ANO5: variants seen among roughly 807,000 people sequenced by gnomAD.
The protein encoded by ANO5 is anoctamin 5, also known as anoctamin-5.
In ANO5, 109 loss-of-function variants were observed where a neutral mutation model predicts 121.0. The ratio of observed to expected loss-of-function variants is 0.90; its 90% CI spans 0.77 to 1.06. The LOEUF (loss-of-function observed/expected upper bound fraction) is 1.06, where lower values mean the gene tolerates loss of function less well. Among genes scored for constraint, ANO5 ranks in the 50% least tolerant of loss-of-function variants. ANO5 has a pLI of 0.00. For missense variants in ANO5, 1,064 were observed against 1,078.5 expected (o/e 0.99, Z 0.19); for synonymous variants, 406 against 359.9 (o/e 1.13, Z -1.45).
chr11:22,272,686 G>C, intron 18 of ANO5, 98 bp from the exon 19 acceptor site: 2 of 1,114,694 alleles, frequency 1.8e-6, no homozygotes, highest in South Asian at 1.3e-5. Context: ...TATTCGTGTG[G>C]ATCACTCCAA....
Position 22,218,239 on chromosome 11 carries a change from T to C in ANO5, c.139-7T>C. 1 of 1,613,346 alleles carries C rather than the reference T, an allele frequency of 6.2e-7. No individual in the cohort carries two copies. Among genetic ancestry groups the C allele is most frequent in the Non-Finnish European group, 8.5e-7 (1 of 1,179,686 alleles). ...GAAGTGCTAATTCTTTATTGGTTGC[T>C]TCACAGCCTGCAAAGCGATTCAATT... On this transcript the variant is annotated splice_polypyrimidine_tract_variant and splice_region_variant and intron_variant, in intron 3 of 21. Coordinates refer to ENST00000324559, the MANE Select transcript of ANO5 (RefSeq NM_213599.3).
intron 1 of ANO5, among the ~76,000 whole-genome samples, chr11:22,198,645 G>T (rs1295344957): frequency 6.6e-6 from 1 of 152,096 alleles, no homozygotes; most frequent in Non-Finnish European, 1.5e-5. Context: ...AAATAGAATT[G>T]TAAAACTCTT....
At chr11:22,199,578 G>T (rs1252181241) in intron 1 of ANO5, among the ~76,000 whole-genome samples, 1 of 152,012 alleles carries the variant, frequency 6.6e-6, no homozygotes, top group Non-Finnish European at 1.5e-5. Flanking sequence ...ATGCTTAGGA[G>T]TCTTCTATTT....
At chr11:22,199,000 C>A (rs1225335360) in intron 1 of ANO5, among the ~76,000 whole-genome samples, 3 of 152,154 alleles carry the variant, frequency 2.0e-5, no homozygotes, top group Non-Finnish European at 4.4e-5. Context: ...TAATATTTTT[C>A]AAGCATTTCC....
intron 7 of ANO5, among the ~76,000 whole-genome samples, chr11:22,231,874 A>T (rs548832864): frequency 6.6e-6 from 1 of 152,030 alleles, no homozygotes. Context: ...AGAAATTATC[A>T]GTCTTTCGTG....
At chr11:22,262,831 C>T (rs1280079939) in intron 16 of ANO5, 115 bp from the exon 17 acceptor site, 3 of 827,698 alleles carry the variant, frequency 3.6e-6, no homozygotes, top group Non-Finnish European at 4.1e-6. Flanking sequence ...ATATCTTAAC[C>T]CTTCCAACCA....
intron 9 of ANO5, among the ~76,000 whole-genome samples, chr11:22,246,473 G>T (rs965297806): frequency 1.3e-5 from 2 of 152,012 alleles, no homozygotes; most frequent in African/African-American, 2.4e-5. Flanking sequence ...CCTGTATTGG[G>T]TTTGGGTGTT....
At chr11:22,234,900 T>C (rs566449512) in intron 7 of ANO5, among the ~76,000 whole-genome samples, 3 of 152,232 alleles carry the variant, frequency 2.0e-5, no homozygotes, top group South Asian at 4.2e-4. Context: ...ATTAAGCTTC[T>C]CTTCTCCCTA....
intron 1 of ANO5, among the ~76,000 whole-genome samples, chr11:22,195,223 C>T (rs970295973): frequency 2.0e-5 from 3 of 152,034 alleles, no homozygotes; most frequent in Admixed American, 1.3e-4. Context: ...TAGTTATTCA[C>T]GTTTTTGGAG....
intron 4 of ANO5, among the ~76,000 whole-genome samples, chr11:22,220,313 T>G (rs1474753855): frequency 6.6e-6 from 1 of 152,024 alleles, no homozygotes; most frequent in Non-Finnish European, 1.5e-5. Context: ...TATTAAGTAT[T>G]AGATATAAAC....
intron 2 of ANO5, 95 bp downstream of exon 2, chr11:22,203,945 C>G: frequency 1.4e-5 from 11 of 787,366 alleles, no homozygotes; most frequent in Non-Finnish European, 2.1e-5. Context: ...ACTTATAATA[C>G]ATTCTATTAT....
At chr11:22,235,618 G>A (rs938333466) in intron 7 of ANO5, among the ~76,000 whole-genome samples, 1 of 152,112 alleles carries the variant, frequency 6.6e-6, no homozygotes, top group African/African-American at 2.4e-5. Context: ...AAATACAAGA[G>A]CAGAGGATAC....
chr11:22,202,293 A>G (rs1851989118), intron 1 of ANO5, among the ~76,000 whole-genome samples: 1 of 152,166 alleles, frequency 6.6e-6, no homozygotes, highest in Non-Finnish European at 1.5e-5. Flanking sequence ...TTTGGACTTT[A>G]TTCCCTAGCT....
chr11:22,250,734 C>G lies in ANO5; in HGVS notation c.1014-7C>G. 1 of 1,613,416 alleles carries G rather than the reference C, an allele frequency of 6.2e-7. No homozygotes were observed. On this transcript the variant is annotated splice_polypyrimidine_tract_variant and splice_region_variant and intron_variant, in intron 10 of 21. Coordinates refer to ENST00000324559, the MANE Select transcript of ANO5 (RefSeq NM_213599.3). ...ACTGTTCAATAACTTTGCTGTTCCTCTTGCAGCACTGAAATCTGTGACCCT... is the reference window on the plus strand; with the variant it reads ...ACTGTTCAATAACTTTGCTGTTCCTGTTGCAGCACTGAAATCTGTGACCCT...
chr11:22,199,257 G>A (rs961886447), intron 1 of ANO5, among the ~76,000 whole-genome samples: 2 of 152,110 alleles, frequency 1.3e-5, no homozygotes, highest in African/African-American at 2.4e-5. Flanking sequence ...ATATCAACAA[G>A]AATAACACCT....
chr11:22,203,359 C>G (rs1446030654), intron 1 of ANO5, among the ~76,000 whole-genome samples: 1 of 152,078 alleles, frequency 6.6e-6, no homozygotes, highest in Non-Finnish European at 1.5e-5. Flanking sequence ...GGAAAGTACT[C>G]TGGCCTGTGT....
chr11:22,259,285 C>A (rs541098648), intron 14 of ANO5, among the ~76,000 whole-genome samples: 1 of 152,248 alleles, frequency 6.6e-6, no homozygotes, highest in South Asian at 2.1e-4. Flanking sequence ...GCAATGAATA[C>A]GTTTCTCTTT....
chr11:22,229,621 G>T (rs1852970922), intron 7 of ANO5, among the ~76,000 whole-genome samples: 1 of 151,890 alleles, frequency 6.6e-6, no homozygotes, highest in African/African-American at 2.4e-5. Context: ...TTTGAAAACT[G>T]AAAAGTATTT....
At chr11:22,198,187 T>C (rs1366815857) in intron 1 of ANO5, among the ~76,000 whole-genome samples, 4 of 152,110 alleles carry the variant, frequency 2.6e-5, no homozygotes, top group Non-Finnish European at 5.9e-5. Flanking sequence ...TGTGTCTCTG[T>C]TGGTTCTCTG....
Sources: gnomAD v4.1 joint callset for allele counts (sites outside exome capture counted in the v4.1 genomes callset) on GRCh38, gnomAD v4.1.1 for gene constraint, MANE v1.5 for transcripts, NCBI Gene and HGNC (gene_info 2026-07-23, HGNC 2026-07-21) for gene names.